Variants in PPIG observed in about 807,000 individuals in gnomAD.
The protein encoded by PPIG is peptidylprolyl isomerase G.
PPIG carries 26 observed loss-of-function variants against 87.9 expected under a neutral mutation model. The observed-to-expected ratio is 0.30, with a 90% confidence interval of 0.22 to 0.41. PPIG has a LOEUF of 0.41. Among genes scored for constraint, PPIG ranks in the 10% least tolerant of loss-of-function variants. PPIG has a pLI of 1.00. For missense variants in PPIG, 722 were observed against 879.4 expected, an observed-to-expected ratio of 0.82 and a Z score of 2.26; for synonymous variants, 308 against 276.5, an observed-to-expected ratio of 1.11 and a Z score of -1.13.
chr2:169,627,309 C>T (rs146220781), intron 9 of PPIG, among the ~76,000 whole-genome samples: 2,241 of 152,272 alleles, frequency 0.015, 56 homozygotes, highest in African/African-American at 0.051. Context: ...GTTGGCCAGG[C>T]TGGTCTCGAA....
At chr2:169,585,154 A>G (rs1013165282) in intron 1 of PPIG, among the ~76,000 whole-genome samples, 2 of 151,748 alleles carry the variant, frequency 1.3e-5, no homozygotes, top group South Asian at 2.1e-4. Flanking sequence ...GTTTCGGAGG[A>G]GCTGTGAGCT....
chr2:169,588,234 CGTGT>C (rs201838400), intron 1 of PPIG, among the ~76,000 whole-genome samples: 2 of 151,742 alleles, frequency 1.3e-5, no homozygotes, highest in Non-Finnish European at 2.9e-5. Context: ...GAAGCATATT[CGTGT>C]GTGTGTGTGT....
In PPIG at chr2:169,638,872, T is replaced by C. The variant is rs1004105157; in HGVS notation, c.*1349T>C. ...CCAGCAAACATAAAACCTGCCTCATTTGAAAAGGAATTTCAAAATTCCAAT... is the reference window on the plus strand; with the variant it reads ...CCAGCAAACATAAAACCTGCCTCATCTGAAAAGGAATTTCAAAATTCCAAT... On this transcript the variant is annotated 3_prime_UTR_variant, in exon 14 of 14. Coordinates refer to ENST00000260970, the MANE Select transcript of PPIG (RefSeq NM_004792.3). 1 of 151,978 alleles carries C rather than the reference T, an allele frequency of 6.6e-6. No individual in the cohort carries two copies. Among genetic ancestry groups the C allele is most frequent in the Non-Finnish European group, 1.5e-5 (1 of 67,892 alleles). 9.4% of individuals were successfully genotyped at this position (151,978 alleles called of 1,614,324 possible). A position where few individuals can be genotyped will look rare whatever the true frequency, so the allele number is the denominator to read the frequency against.
Position 169,604,133 on chromosome 2 carries a change from G to T in PPIG, c.61+31G>T, listed in dbSNP as rs370398756. 6.2e-6 allele frequency: 10 copies of T among 1,606,512 alleles called. No homozygotes were observed. In the African/African-American group the frequency reaches 1.2e-4, roughly 19 times the overall value. On this transcript the variant is annotated intron_variant, in intron 3 of 13. Coordinates refer to ENST00000260970, the MANE Select transcript of PPIG (RefSeq NM_004792.3). ...AATATTAGTTGACATTTATAAATGG[G>T]TGTTTAATATTTTAAATTAGTAAAG...
At chr2:169,628,640 A>G (rs1685957234) in intron 9 of PPIG, among the ~76,000 whole-genome samples, 1 of 152,008 alleles carries the variant, frequency 6.6e-6, no homozygotes, top group African/African-American at 2.4e-5. Flanking sequence ...GCAAGACCCC[A>G]TCTTCATAAA....
At chr2:169,607,894 T>C (rs1685377415) in intron 6 of PPIG, among the ~76,000 whole-genome samples, 1 of 152,140 alleles carries the variant, frequency 6.6e-6, no homozygotes, top group Admixed American at 6.5e-5. Context: ...TCTCACTGTG[T>C]TGCCCGGGCT....
intron 7 of PPIG, among the ~76,000 whole-genome samples, chr2:169,609,081 C>CA (rs577846491): frequency 0.1 from 10,743 of 105,696 alleles, 533 homozygotes; most frequent in Non-Finnish European, 0.13. Flanking sequence ...AAGACTGTCT[C>CA]AAAAAAAAAA....
intron 1 of PPIG, among the ~76,000 whole-genome samples, chr2:169,600,038 A>G (rs1482264388): frequency 2.0e-5 from 3 of 150,950 alleles, no homozygotes; most frequent in Non-Finnish European, 3.0e-5. Flanking sequence ...CTTAGTTTCT[A>G]TTTTGTGGGG....
At chr2:169,604,325 TGG>T in intron 4 of PPIG, 64 bp downstream of exon 4, 3 of 952,352 alleles carry the variant, frequency 3.2e-6, no homozygotes, top group East Asian at 2.7e-5. Context: ...CTTGCTTGCT[TGG>T]TTTTTTTTTT....
At chr2:169,590,975 C>T (rs912093147) in intron 1 of PPIG, among the ~76,000 whole-genome samples, 18 of 152,144 alleles carry the variant, frequency 1.2e-4, no homozygotes, top group Non-Finnish European at 1.2e-4. Flanking sequence ...CCACTGTGCT[C>T]CAGCCTGAGC....
Position 169,587,984 on chromosome 2 carries a change from C to T in PPIG, c.-70+3494C>T, listed in dbSNP as rs543160641. ...CAGCCTGACCAACATGGAGAAACCCCGTCTCTCCGTTTCTACTTAGAATAC... is the reference window on the plus strand; with the variant it reads ...CAGCCTGACCAACATGGAGAAACCCTGTCTCTCCGTTTCTACTTAGAATAC... On this transcript the variant is annotated intron_variant, in intron 1 of 13. Transcript: ENST00000260970. 1.2e-4 allele frequency among the ~76,000 whole-genome samples: 18 copies of T among 152,078 alleles called. No homozygotes were observed. In the South Asian group the frequency reaches 2.5e-3, roughly 21 times the overall value.
chr2:169,635,024 CAT>C (rs755293944), intron 12 of PPIG, among the ~76,000 whole-genome samples: 12 of 150,856 alleles, frequency 8.0e-5, no homozygotes, highest in Non-Finnish European at 1.6e-4. Flanking sequence ...GATATCAAAA[CAT>C]GTAAACTGAA....
At chr2:169,591,063 C>G (rs1391144606) in intron 1 of PPIG, among the ~76,000 whole-genome samples, 3 of 152,160 alleles carry the variant, frequency 2.0e-5, no homozygotes, top group African/African-American at 7.2e-5. Flanking sequence ...CGGTGCTATG[C>G]TGACTTCCTC....
rs137939823 is a variant in PPIG, at chr2:169,636,563, G to A, written c.1305G>A (p.Glu435=). 180 of 1,603,820 alleles carry A rather than the reference G, an allele frequency of 1.1e-4. No homozygotes were observed. In the African/African-American group the frequency reaches 2.2e-3, roughly 20 times the overall value. The change falls in exon 14 of 14, where the codon GAG becomes GAA. Residue 435 remains glutamate, a synonymous_variant. Coordinates refer to ENST00000260970, the MANE Select transcript of PPIG (RefSeq NM_004792.3). The part of the protein sequence containing the change: ...KVKDHKSNSK[E]RDIRRNSEKD... ...AAGACCATAAATCTAACAGCAAAGA[G>A]AGAGACATCAGAAGAAATTCAGAAA...
intron 1 of PPIG, among the ~76,000 whole-genome samples, chr2:169,597,836 T>G (rs1685062292): frequency 6.6e-6 from 1 of 150,800 alleles, no homozygotes; most frequent in African/African-American, 2.5e-5. Context: ...CAGTATATCC[T>G]ACACACTTCT....
intron 9 of PPIG, among the ~76,000 whole-genome samples, chr2:169,627,547 G>A (rs928787156): frequency 6.6e-6 from 1 of 151,948 alleles, no homozygotes; most frequent in African/African-American, 2.4e-5. Flanking sequence ...TTGTTTTGGA[G>A]ACAGGTTCTC....
chr2:169,614,120 G>A (rs1045677390), intron 7 of PPIG, among the ~76,000 whole-genome samples: 2 of 152,206 alleles, frequency 1.3e-5, no homozygotes, highest in African/African-American at 4.8e-5. Flanking sequence ...ATGTCTACAT[G>A]TAGAACATTA....
intron 1 of PPIG, among the ~76,000 whole-genome samples, chr2:169,586,969 T>C (rs1390276226): frequency 6.6e-6 from 1 of 152,192 alleles, no homozygotes; most frequent in Non-Finnish European, 1.5e-5. Flanking sequence ...AGTCTTGCTC[T>C]GTCGCCCAGG....
intron 9 of PPIG, among the ~76,000 whole-genome samples, chr2:169,624,701 C>CCT (rs1206500998): frequency 6.6e-6 from 1 of 152,152 alleles, no homozygotes; most frequent in Non-Finnish European, 1.5e-5. Context: ...GATTCTCCTG[C>CCT]CTCAGCCTCC....
Sources: allele counts gnomAD v4.1 joint callset (sites outside exome capture counted in the v4.1 genomes callset), GRCh38; gene constraint gnomAD v4.1.1; transcripts MANE v1.5; gene names NCBI Gene and HGNC (gene_info 2026-07-23, HGNC 2026-07-21).